The following BLTP1 variants were observed in gnomAD, a reference collection of about 807,000 sequenced individuals.
BLTP1 encodes the protein bridge-like lipid transfer protein family member 1, also known as fragile site-associated protein.
chr4:122,221,245 A>T, the BLTP1 span: 1 of 165,194 alleles, frequency 6.1e-6, no homozygotes, highest in Non-Finnish European at 1.3e-5. Flanking sequence ...TCTCCTTTTC[A>T]TTCTTTTGCC....
At chr4:122,353,452 G>C in the BLTP1 span, among the ~76,000 whole-genome samples, 1 of 152,170 alleles carries the variant, frequency 6.6e-6, no homozygotes, top group African/African-American at 2.4e-5. The surrounding 1 kb of genome is among the most constrained non-coding windows in gnomAD (Gnocchi z 4.3). Context: ...CAACATAGTG[G>C]TAGTGTGAGG....
chr4:122,253,630 A>C, the BLTP1 span, among the ~76,000 whole-genome samples: 5 of 152,132 alleles, frequency 3.3e-5, no homozygotes, highest in East Asian at 9.7e-4. Flanking sequence ...AATGAAAAAG[A>C]ACGAAGCATG....
chr4:122,226,397 A>G, the BLTP1 span: 13 of 1,071,906 alleles, frequency 1.2e-5, no homozygotes, highest in Non-Finnish European at 1.5e-5. Context: ...TTAGCTATAT[A>G]AGAGGGAAGA....
At chr4:122,169,055 C>T in the BLTP1 span, among the ~76,000 whole-genome samples, 8 of 152,148 alleles carry the variant, frequency 5.3e-5, no homozygotes, top group Admixed American at 4.6e-4. Context: ...TCAAGCAATC[C>T]TCCTGCCCCC....
the BLTP1 span, chr4:122,282,018 C>T: frequency 1.4e-5 from 14 of 981,694 alleles, no homozygotes; most frequent in African/African-American, 2.3e-4. Context: ...GAGGCCATTT[C>T]TCCAATTTAA....
the BLTP1 span, among the ~76,000 whole-genome samples, chr4:122,360,229 A>G: frequency 6.6e-6 from 1 of 152,324 alleles, no homozygotes; most frequent in East Asian, 1.9e-4. Flanking sequence ...CTAATATCTC[A>G]AATTTAACAC....
At chr4:122,269,985 T>C in the BLTP1 span, among the ~76,000 whole-genome samples, 1 of 152,144 alleles carries the variant, frequency 6.6e-6, no homozygotes, top group Non-Finnish European at 1.5e-5. Flanking sequence ...ATTTTCTTAC[T>C]ACCCTTACAT....
At chr4:122,313,127 C>T in the BLTP1 span, among the ~76,000 whole-genome samples, 2 of 152,106 alleles carry the variant, frequency 1.3e-5, no homozygotes, top group East Asian at 3.8e-4. Context: ...TCATAGCCTT[C>T]AGCCATTTTT....
chr4:122,218,608 A>G, the BLTP1 span, among the ~76,000 whole-genome samples: 4 of 152,224 alleles, frequency 2.6e-5, no homozygotes, highest in African/African-American at 9.6e-5. Flanking sequence ...TTTAACAGAT[A>G]TGCTGACAAT....
chr4:122,315,016 G>A, the BLTP1 span, among the ~76,000 whole-genome samples: 1 of 151,970 alleles, frequency 6.6e-6, no homozygotes, highest in Non-Finnish European at 1.5e-5. Context: ...CTTCTAACTT[G>A]TAACCTCTTT....
the BLTP1 span, among the ~76,000 whole-genome samples, chr4:122,285,785 T>C: frequency 1.3e-5 from 2 of 152,194 alleles, no homozygotes; most frequent in African/African-American, 4.8e-5. Context: ...GAAAGGAGCA[T>C]GTGTATGTAC....
the BLTP1 span, among the ~76,000 whole-genome samples, chr4:122,259,422 T>G: frequency 2.6e-5 from 4 of 152,128 alleles, no homozygotes; most frequent in African/African-American, 4.8e-5. Context: ...GAGAAATAAT[T>G]GAGTTAATTC....
At chr4:122,168,999 G>A in the BLTP1 span, among the ~76,000 whole-genome samples, 6 of 152,194 alleles carry the variant, frequency 3.9e-5, no homozygotes, top group Non-Finnish European at 7.4e-5. Context: ...CTGGGCTGGA[G>A]TGCAGTAGCA....
At chr4:122,250,675 C>A in the BLTP1 span, 3 of 1,157,408 alleles carry the variant, frequency 2.6e-6, no homozygotes, top group Non-Finnish European at 2.5e-6. Flanking sequence ...ATTTGCCTGT[C>A]TTTCCCTATT....
chr4:122,344,950 G>C, the BLTP1 span: 8 of 984,940 alleles, frequency 8.1e-6, no homozygotes, highest in Non-Finnish European at 9.6e-6. Flanking sequence ...TGAATTGTGT[G>C]CATGTATACT....
chr4:122,170,333 A>AATC, the BLTP1 span: 1 of 969,160 alleles, frequency 1.0e-6, no homozygotes. Context: ...AAAAAAGAAT[A>AATC]ATCACATTCC....
the BLTP1 span, chr4:122,343,942 A>G: frequency 1.1e-6 from 1 of 913,650 alleles, no homozygotes; most frequent in Non-Finnish European, 1.3e-6. Flanking sequence ...CTGCGTAGAA[A>G]GTAAAATTTT....
chr4:122,289,011 T>A, the BLTP1 span: 1 of 1,456,318 alleles, frequency 6.9e-7, no homozygotes, highest in South Asian at 1.4e-5. Context: ...TTTTCCTCAG[T>A]TTAGGGTGAT....
chr4:122,250,034 T>G, the BLTP1 span: 1 of 920,994 alleles, frequency 1.1e-6, no homozygotes, highest in Non-Finnish European at 1.3e-6. Context: ...AAACTGTAAA[T>G]TCTTTATTCA....
Sources: gnomAD v4.1 joint callset for allele counts (sites outside exome capture counted in the v4.1 genomes callset) on GRCh38, gnomAD v4.1.1 for gene constraint, Gnocchi (gnomAD v3.1) non-coding constraint, MANE v1.5 for transcripts, NCBI Gene and HGNC (gene_info 2026-07-23, HGNC 2026-07-21) for gene names.